TAFA1: variants seen among roughly 807,000 people sequenced by gnomAD.
TAFA1 encodes the protein TAFA chemokine like family member 1, also known as chemokine-like protein TAFA-1.
TAFA1 carries 4 observed loss-of-function variants against 18.5 expected under a neutral mutation model. That is an observed-to-expected ratio of 0.22 (90% CI 0.11 to 0.49). TAFA1 has a LOEUF of 0.49. TAFA1 is among the 20% of genes least tolerant of loss of function. TAFA1 has a pLI of 0.98. For synonymous variants in TAFA1, 56 were observed against 55.2 expected (o/e 1.01, Z -0.06); for missense variants, 147 against 169.0 (o/e 0.87, Z 0.72).
chr3:68,349,208 T>C (rs1478763807), intron 2 of TAFA1, among the ~76,000 whole-genome samples: 1 of 151,610 alleles, frequency 6.6e-6, no homozygotes, highest in African/African-American at 2.4e-5. Flanking sequence ...TTTGGGGGGG[T>C]TTGGCTTGGA....
intron 2 of TAFA1, among the ~76,000 whole-genome samples, chr3:68,318,478 G>A (rs2068641778): frequency 1.3e-5 from 2 of 152,166 alleles, no homozygotes; most frequent in Admixed American, 6.5e-5. Context: ...AAGCTTGAAT[G>A]TCTTTCTGCT....
At chr3:68,293,850 G>A (rs896600761) in intron 2 of TAFA1, among the ~76,000 whole-genome samples, 1 of 152,158 alleles carries the variant, frequency 6.6e-6, no homozygotes, top group Non-Finnish European at 1.5e-5. Flanking sequence ...GGCCCACTGA[G>A]GGACTGCTCC....
At chr3:68,047,367 G>T (rs566389234) in intron 2 of TAFA1, among the ~76,000 whole-genome samples, 7 of 152,226 alleles carry the variant, frequency 4.6e-5, no homozygotes, top group African/African-American at 9.6e-5. Flanking sequence ...TGAGAAAAAT[G>T]CATAAATTCA....
intron 2 of TAFA1, among the ~76,000 whole-genome samples, chr3:68,294,645 G>A (rs1038675223): frequency 6.6e-6 from 1 of 152,158 alleles, no homozygotes; most frequent in African/African-American, 2.4e-5. Context: ...AGCACTTTGG[G>A]AGGCTGAGAT....
rs569907644 is a variant in TAFA1 at position 68,324,256 on chromosome 3, C to A, written c.119-93024C>A. ...TTCTATGCCTTGTTGATAAATATAG[C>A]CTTGTTGATAAATATAGCCTTGTTG... On this transcript the variant is annotated intron_variant, in intron 2 of 4. Transcript: ENST00000478136. Among the ~76,000 whole-genome samples the A allele has an allele frequency of 2.0e-3, 304 of 151,682 alleles. 1 individual carries two copies. The highest frequency in any genetic ancestry group is 6.9e-3 in the African/African-American group (285 of 41,322).
intron 2 of TAFA1, among the ~76,000 whole-genome samples, chr3:68,213,669 C>T (rs772129753): frequency 2.2e-4 from 33 of 152,168 alleles, no homozygotes; most frequent in Admixed American, 3.3e-4. Context: ...GCACACCTTA[C>T]GTGTTCCAAG....
chr3:68,023,265 C>T (rs1704738253), intron 2 of TAFA1, among the ~76,000 whole-genome samples: 1 of 152,118 alleles, frequency 6.6e-6, no homozygotes, highest in Admixed American at 6.6e-5. Flanking sequence ...TTGCTCACGC[C>T]ACTGTCTGCC....
intron 2 of TAFA1, among the ~76,000 whole-genome samples, chr3:68,343,105 G>A (rs560216348): frequency 2.6e-5 from 4 of 152,244 alleles, no homozygotes; most frequent in Non-Finnish European, 4.4e-5. Flanking sequence ...GCAACCCACT[G>A]GCATCATTTC....
intron 2 of TAFA1, among the ~76,000 whole-genome samples, chr3:68,053,082 C>T (rs1179603077): frequency 6.6e-6 from 1 of 152,266 alleles, no homozygotes; most frequent in African/African-American, 2.4e-5. Flanking sequence ...CAGATTACCC[C>T]TGGAGTATCT....
intron 2 of TAFA1, among the ~76,000 whole-genome samples, chr3:68,336,390 C>T (rs1158654428): frequency 6.6e-6 from 1 of 152,126 alleles, no homozygotes; most frequent in East Asian, 1.9e-4. Context: ...CTCTGATGTG[C>T]TTTTATCATG....
intron 3 of TAFA1, among the ~76,000 whole-genome samples, chr3:68,481,855 T>C (rs1222368879): frequency 1.3e-5 from 2 of 152,220 alleles, no homozygotes; most frequent in Admixed American, 1.3e-4. Context: ...CCAGCATCTT[T>C]GACTCATTCT....
intron 3 of TAFA1, among the ~76,000 whole-genome samples, chr3:68,443,000 ACAGGAAGCCTCTGAAT>A (rs1277863226): frequency 6.6e-6 from 1 of 152,164 alleles, no homozygotes. Flanking sequence ...ATGTGGTGAT[ACAGGAAGCCTCTGAAT>A]CACCTCTGTA....
intron 3 of TAFA1, among the ~76,000 whole-genome samples, chr3:68,470,084 C>T (rs937855332): frequency 3.9e-5 from 6 of 152,106 alleles, no homozygotes; most frequent in Non-Finnish European, 7.4e-5. Flanking sequence ...ACAGTTTCTC[C>T]TATACTGTTC....
intron 3 of TAFA1, among the ~76,000 whole-genome samples, chr3:68,505,893 T>TTTTA (rs1553698575): frequency 4.6e-5 from 7 of 151,390 alleles, no homozygotes; most frequent in Non-Finnish European, 1.0e-4. Context: ...TCTTTTTTTT[T>TTTTA]TTATTATTAT....
chr3:68,048,026 T>C (rs960717340), intron 2 of TAFA1, among the ~76,000 whole-genome samples: 5 of 152,060 alleles, frequency 3.3e-5, no homozygotes, highest in Non-Finnish European at 7.4e-5. Context: ...TGTAGAGAAA[T>C]CAACCCAGAG....
intron 2 of TAFA1, among the ~76,000 whole-genome samples, chr3:68,196,194 C>T (rs936335651): frequency 6.6e-6 from 1 of 151,782 alleles, no homozygotes; most frequent in Non-Finnish European, 1.5e-5. Flanking sequence ...TGACTTTCTT[C>T]TGTTCACGTA....
At chr3:68,345,436 T>C (rs1294550822) in intron 2 of TAFA1, among the ~76,000 whole-genome samples, 1 of 152,046 alleles carries the variant, frequency 6.6e-6, no homozygotes, top group Non-Finnish European at 1.5e-5. Context: ...AACCAATGAA[T>C]ATAGAAATAG....
intron 2 of TAFA1, among the ~76,000 whole-genome samples, chr3:68,403,302 T>C (rs975223202): frequency 4.6e-5 from 7 of 152,218 alleles, no homozygotes; most frequent in African/African-American, 1.7e-4. Context: ...GACTGTATAG[T>C]ACGCTTTGTT....
At chr3:68,357,923 A>G (rs1236678457) in intron 2 of TAFA1, among the ~76,000 whole-genome samples, 1 of 151,974 alleles carries the variant, frequency 6.6e-6, no homozygotes, top group Non-Finnish European at 1.5e-5. Context: ...GAATAATATC[A>G]GATTACAGAA....
Sources: gnomAD v4.1 joint callset for allele counts (sites outside exome capture counted in the v4.1 genomes callset) on GRCh38, gnomAD v4.1.1 for gene constraint, MANE v1.5 for transcripts, NCBI Gene and HGNC (gene_info 2026-07-23, HGNC 2026-07-21) for gene names.